The following TFAP2B variants were observed in gnomAD, a reference collection of about 807,000 sequenced individuals.
The protein encoded by TFAP2B is transcription factor AP-2 beta.
Under a neutral mutation model 44.3 loss-of-function variants are expected in TFAP2B, and 9 were observed. The ratio of observed to expected loss-of-function variants is 0.20; its 90% CI spans 0.12 to 0.35. The LOEUF (loss-of-function observed/expected upper bound fraction) is 0.35, where lower values mean the gene tolerates loss of function less well. Among genes scored for constraint, TFAP2B ranks in the 10% least tolerant of loss-of-function variants. The pLI, the probability that TFAP2B is intolerant of heterozygous loss-of-function variation, is 1.00. For missense variants in TFAP2B, 509 were observed against 600.0 expected, an observed-to-expected ratio of 0.85 and a Z score of 1.59; for synonymous variants, 270 against 263.8, an observed-to-expected ratio of 1.02 and a Z score of -0.23.
rs13216733 is a variant in TFAP2B at position 50,823,769 on chromosome 6, C to A, written c.444C>A (p.Asp148Glu). Residue 148 changes from aspartate (D) to glutamate (E), a missense_variant, in exon 2 of 7, where the codon GAC becomes GAA. Asp to Glu is a conservative substitution (Grantham distance 45). Coordinates refer to ENST00000393655, the MANE Select transcript of TFAP2B (RefSeq NM_003221.4). Reference protein sequence around the residue: ...RRDYHSVRRPDVLLHSAHHGL... With the variant: ...RRDYHSVRRPEVLLHSAHHGL... ...ACTACCACTCGGTCCGCCGGCCGGACGTGCTGCTGCATTCGGCGCACCACG... is the reference window on the plus strand; with the variant it reads ...ACTACCACTCGGTCCGCCGGCCGGAAGTGCTGCTGCATTCGGCGCACCACG... The A allele has an allele frequency of 2.6e-5, 41 of 1,598,342 alleles. No individual in the cohort carries two copies. The highest frequency in any genetic ancestry group is 7.9e-5 in the South Asian group (7 of 89,038).
intron 3 of TFAP2B, chr6:50,830,376 G>T: frequency 2.4e-6 from 2 of 850,892 alleles, no homozygotes. Flanking sequence ...GGATGCTTTG[G>T]TTTCAGAGCT....
chr6:50,818,542 A>G (rs1170780700), upstream of TFAP2B, among the ~76,000 whole-genome samples: 1 of 152,192 alleles, frequency 6.6e-6, no homozygotes, highest in African/African-American at 2.4e-5. Flanking sequence ...TATAAAATGT[A>G]TATATTATAT....
chr6:50,841,083 T>C (rs1034948676), intron 6 of TFAP2B, among the ~76,000 whole-genome samples: 1 of 152,250 alleles, frequency 6.6e-6, no homozygotes, highest in Non-Finnish European at 1.5e-5. Flanking sequence ...CTCAAATTTG[T>C]CCAGATGTTT....
At chr6:50,831,663 G>GC (rs1214958975) in intron 3 of TFAP2B, among the ~76,000 whole-genome samples, 1 of 151,762 alleles carries the variant, frequency 6.6e-6, no homozygotes, top group Admixed American at 6.6e-5. Flanking sequence ...AGAAATCTGG[G>GC]GGGAGGAAGA....
In TFAP2B at chr6:50,845,481, G is replaced by C. The variant is rs1489478332; in HGVS notation, c.*2089G>C. The C allele has an allele frequency of 2.6e-5, 4 of 152,494 alleles. No homozygotes were observed. The highest frequency in any genetic ancestry group is 7.2e-5 in the African/African-American group (3 of 41,464). The allele number at this position is 152,494 out of a possible 1,614,324, so 9.4% of individuals were successfully genotyped here. On this transcript the variant is annotated 3_prime_UTR_variant, in exon 7 of 7. Coordinates refer to ENST00000393655, the MANE Select transcript of TFAP2B (RefSeq NM_003221.4). ...CACTGCAGCCCATCTCCAACCCCTAGCTTCGTTTAGCACTTCTGATCTTCA... is the reference window on the plus strand; with the variant it reads ...CACTGCAGCCCATCTCCAACCCCTACCTTCGTTTAGCACTTCTGATCTTCA...
upstream of TFAP2B, chr6:50,818,859 TC>T: frequency 6.2e-7 from 1 of 1,601,622 alleles, no homozygotes; most frequent in Non-Finnish European, 8.6e-7. Context: ...GACAGCGGAG[TC>T]CTGAGAAGCC....
rs540117415 is a variant in TFAP2B, at chr6:50,823,650, C to A, written c.325C>A (p.Arg109=). ...HQPQQHPWGQ[R]QRQEVGSEAG... ...GCCCCAGCAACATCCCTGGGGGCAA[C>A]GGCAGCGGCAAGAAGTGGGTTCGGA... is the stretch of plus-strand genomic sequence containing the variant. Residue 109 remains arginine, a synonymous_variant, in exon 2 of 7, where the codon CGG becomes AGG. Coordinates refer to ENST00000393655, the MANE Select transcript of TFAP2B (RefSeq NM_003221.4). 6.2e-7 allele frequency: 1 copy of A among 1,614,080 alleles called. No homozygotes were observed. Among genetic ancestry groups the A allele is most frequent in the African/African-American group, 1.3e-5 (1 of 75,044 alleles).
intron 4 of TFAP2B, 121 bp from the exon 5 acceptor site, chr6:50,837,854 A>G (rs1304280396): frequency 5.9e-6 from 5 of 840,586 alleles, no homozygotes; most frequent in Admixed American, 1.7e-5. Context: ...GGAAGGGGGA[A>G]AAATGTGCTA....
chr6:50,836,113 C>T lies in TFAP2B; in HGVS notation c.654C>T (p.Phe218=), dbSNP rs1301210044. The change falls in exon 4 of 7, where the codon TTC becomes TTT. Residue 218 remains phenylalanine (F), a synonymous_variant. Coordinates refer to ENST00000393655, the MANE Select transcript of TFAP2B (RefSeq NM_003221.4). ...CTCTAATGATGAATAAAGACGGCTT[C>T]CTGGGAGGCATGTCTGTCAACACCG... is the stretch of plus-strand genomic sequence containing the variant. The part of the protein sequence containing the change: ...VTSLMMNKDG[F]LGGMSVNTGE... The T allele has an allele frequency of 2.5e-6, 4 of 1,614,010 alleles. No individual in the cohort carries two copies. The African/African-American group carries it at 5.3e-5, about 22-fold the overall frequency.
At chr6:50,840,973 G>C (rs1419017472) in intron 6 of TFAP2B, among the ~76,000 whole-genome samples, 2 of 152,250 alleles carry the variant, frequency 1.3e-5, no homozygotes, top group African/African-American at 2.4e-5. Context: ...TGCAGGCGCG[G>C]CCCAAACAGC....
upstream of TFAP2B, chr6:50,818,832 A>G: frequency 1.3e-6 from 2 of 1,522,934 alleles, no homozygotes; most frequent in Non-Finnish European, 1.8e-6. Flanking sequence ...ATTTCCAATT[A>G]TAGATGGATC....
chr6:50,819,880 C>CCGAGGCGGG lies in TFAP2B; in HGVS notation c.81+916_81+924dup, dbSNP rs1298437057. ...GAGGCGGGCGAGGTGGGAGAGGCGGCCGAGGCGGGCGAGGCGCGGGGCGCG... is the reference window on the plus strand; with the variant it reads ...GAGGCGGGCGAGGTGGGAGAGGCGGCCGAGGCGGGCGAGGCGGGCGAGGCGCGGGGCGCG... On this transcript the variant is annotated intron_variant, in intron 1 of 6. Coordinates refer to ENST00000393655, the MANE Select transcript of TFAP2B (RefSeq NM_003221.4). 3.0e-3 allele frequency among the ~76,000 whole-genome samples: 454 copies of CCGAGGCGGG among 150,088 alleles called. 3 individuals are homozygous for CCGAGGCGGG. Among genetic ancestry groups the CCGAGGCGGG allele is most frequent in the African/African-American group, 7.9e-3 (324 of 40,872 alleles).
At position 50,845,292 on chromosome 6, in the gene TFAP2B, C is replaced by T. The variant is rs1762822037; in HGVS notation, c.*1900C>T. ...ATTCTCCAGGACTCCCGGTTTTGCC[C>T]CCCTCCCGCTTTGCCTTGGTGGGGG... is the stretch of plus-strand genomic sequence containing the variant. On this transcript the variant is annotated 3_prime_UTR_variant, in exon 7 of 7. Coordinates refer to ENST00000393655, the MANE Select transcript of TFAP2B (RefSeq NM_003221.4). 1 of 152,156 alleles carries T rather than the reference C, an allele frequency of 6.6e-6. No homozygotes were observed. The highest frequency in any genetic ancestry group is 1.5e-5 in the Non-Finnish European group (1 of 68,074). The allele number at this position is 152,156 out of a possible 1,614,324, so 9.4% of individuals were successfully genotyped here.
chr6:50,837,778 TA>T (rs35941682), intron 4 of TFAP2B, among the ~76,000 whole-genome samples, 196 bp from the exon 5 acceptor site: 21,217 of 151,804 alleles, frequency 0.14, 1,598 homozygotes, highest in African/African-American at 0.2. Flanking sequence ...AACACTCAGT[TA>T]AAAAAAATTC....
At position 50,843,320 on chromosome 6, in the gene TFAP2B, C is replaced by T; in HGVS notation, c.1311C>T (p.Thr437=). The T allele has an allele frequency of 2.5e-6, 4 of 1,614,146 alleles. No individual in the cohort carries two copies. The highest frequency in any genetic ancestry group is 3.4e-6 in the Non-Finnish European group (4 of 1,180,040). The change falls in exon 7 of 7, where the codon ACC becomes ACT. Residue 437 remains threonine, a synonymous_variant. Coordinates refer to ENST00000393655, the MANE Select transcript of TFAP2B (RefSeq NM_003221.4). Reference sequence around the variant, plus strand: ...ACAAGATGTTCTTGAACAACACCACCACTAACAGGCACACGTCTGGGGAAG... The same window carrying T: ...ACAAGATGTTCTTGAACAACACCACTACTAACAGGCACACGTCTGGGGAAG... ...GMDKMFLNNT[T]TNRHTSGEGP...
In TFAP2B at chr6:50,840,313, T is replaced by C. The variant is rs1762701407; in HGVS notation, c.1082+16T>C. On this transcript the variant is annotated intron_variant, in intron 6 of 6. Coordinates refer to ENST00000393655, the MANE Select transcript of TFAP2B (RefSeq NM_003221.4). ...TGGCCACCAAGTGAGTTTATTAGAC[T>C]CTGGGCCCTCATCTCACTCCCAGCT... is the stretch of plus-strand genomic sequence containing the variant. 3 of 1,612,740 alleles carry C rather than the reference T, an allele frequency of 1.9e-6. No homozygotes were observed. In the African/African-American group the frequency reaches 4.0e-5, roughly 22 times the overall value.
Position 50,836,051 on chromosome 6 carries a change from C to T in TFAP2B, c.602-10C>T, listed in dbSNP as rs1762614645. The T allele has an allele frequency of 6.2e-7, 1 of 1,612,532 alleles. No homozygotes were observed. Among genetic ancestry groups the T allele is most frequent in the Non-Finnish European group, 8.5e-7 (1 of 1,178,544 alleles). Reference sequence around the variant, plus strand: ...GGTCACCTTTATGGCAATTTTTTCTCTCTTTCTAGTTCCAGTTCCTCCCAA... The same window carrying T: ...GGTCACCTTTATGGCAATTTTTTCTTTCTTTCTAGTTCCAGTTCCTCCCAA... On this transcript the variant is annotated splice_polypyrimidine_tract_variant and intron_variant, in intron 3 of 6. Coordinates refer to ENST00000393655, the MANE Select transcript of TFAP2B (RefSeq NM_003221.4).
chr6:50,818,705 C>G (rs1581802343), upstream of TFAP2B: 4 of 603,610 alleles, frequency 6.6e-6, no homozygotes, highest in East Asian at 1.1e-4. Flanking sequence ...CATCTAACTC[C>G]TGTGTGTGCA....
intron 2 of TFAP2B, among the ~76,000 whole-genome samples, chr6:50,827,366 A>G (rs1770557997): frequency 6.6e-6 from 1 of 152,238 alleles, no homozygotes; most frequent in Non-Finnish European, 1.5e-5. Flanking sequence ...AAGGATAACA[A>G]TTCCTATGGA....
Sources: gnomAD v4.1 joint callset for allele counts (sites outside exome capture counted in the v4.1 genomes callset) on GRCh38, gnomAD v4.1.1 for gene constraint, MANE v1.5 for transcripts, NCBI Gene and HGNC (gene_info 2026-07-23, HGNC 2026-07-21) for gene names.